Variants in ARHGAP12 observed in about 807,000 individuals in gnomAD.
ARHGAP12 encodes rho GTPase-activating protein 12.
A neutral mutation model predicts 108.6 loss-of-function variants in ARHGAP12; 64 were observed. That is an observed-to-expected ratio of 0.59 (90% CI 0.48 to 0.73). ARHGAP12 has a LOEUF of 0.73. ARHGAP12 is among the 30% of genes least tolerant of loss of function. The pLI, the probability that ARHGAP12 is intolerant of heterozygous loss-of-function variation, is 0.00. For missense variants in ARHGAP12, 940 were observed against 1,005.9 expected (o/e 0.93, Z 0.89); for synonymous variants, 312 against 337.2 (o/e 0.93, Z 0.82).
chr10:31,909,217 T>G (rs1839256593), intron 2 of ARHGAP12, among the ~76,000 whole-genome samples: 1 of 152,192 alleles, frequency 6.6e-6, no homozygotes, highest in Admixed American at 6.5e-5. Context: ...AGAACTTTCC[T>G]TCCTTTCATT....
chr10:31,825,780 T>G (rs796508565), intron 11 of ARHGAP12, among the ~76,000 whole-genome samples: 69 of 152,218 alleles, frequency 4.5e-4, no homozygotes, highest in African/African-American at 1.4e-3. Flanking sequence ...AAGAGTAGAG[T>G]AATGATAGTA....
At chr10:31,833,441 G>T (rs967736624) in intron 9 of ARHGAP12, among the ~76,000 whole-genome samples, 1 of 151,910 alleles carries the variant, frequency 6.6e-6, no homozygotes, top group African/African-American at 2.4e-5. Flanking sequence ...AGGATGAGAG[G>T]GAGAGTCTAG....
At chr10:31,821,080 T>A (rs977152524) in intron 11 of ARHGAP12, among the ~76,000 whole-genome samples, 31 of 152,140 alleles carry the variant, frequency 2.0e-4, no homozygotes, top group African/African-American at 7.5e-4. Flanking sequence ...ATTTTGTGCT[T>A]TCAGAAGTAT....
At chr10:31,927,239 T>TACTATGCCAGG (rs145613135) in intron 1 of ARHGAP12, among the ~76,000 whole-genome samples, 2 of 151,596 alleles carry the variant, frequency 1.3e-5, no homozygotes, top group African/African-American at 4.8e-5. Flanking sequence ...AAAATAAAAA[T>TACTATGCCAGG]AGCCAAAATG....
At chr10:31,862,580 C>A (rs1837155896) in intron 3 of ARHGAP12, among the ~76,000 whole-genome samples, 1 of 152,098 alleles carries the variant, frequency 6.6e-6, no homozygotes. Context: ...GATTTCTTAA[C>A]CCTAGCACCA....
intron 1 of ARHGAP12, among the ~76,000 whole-genome samples, chr10:31,911,602 A>C (rs1262651168): frequency 6.6e-6 from 1 of 152,108 alleles, no homozygotes; most frequent in Non-Finnish European, 1.5e-5. Context: ...GCGCGACCAC[A>C]CCCAGCCTAC....
chr10:31,917,961 TTTTTC>T (rs966680396), intron 1 of ARHGAP12, among the ~76,000 whole-genome samples: 6 of 152,034 alleles, frequency 3.9e-5, no homozygotes, highest in East Asian at 1.9e-4. Flanking sequence ...ACCTTTTTTT[TTTTTC>T]TTTTGAGAGA....
rs1835188636 is a variant in ARHGAP12, at chr10:31,816,042, T to C, written c.1732-1681A>G. ...GGTGGGTGCCTGTTATCCCAGCTAC[T>C]TGGGAGGCTGAGACAGGAGAATCAC... On this transcript the variant is annotated intron_variant, in intron 13 of 19. Transcript: ENST00000344936. Among the ~76,000 whole-genome samples the C allele has an allele frequency of 1.3e-5, 2 of 151,910 alleles. 1 individual carries two copies. The highest frequency in any genetic ancestry group is 4.2e-4 in the South Asian group (2 of 4,818).
intron 10 of ARHGAP12, among the ~76,000 whole-genome samples, chr10:31,829,011 G>A (rs993516523): frequency 4.6e-5 from 7 of 152,076 alleles, no homozygotes; most frequent in African/African-American, 9.7e-5. Flanking sequence ...AATTAGCCAC[G>A]CGTAGTGGCA....
intron 1 of ARHGAP12, 128 bp downstream of exon 1, chr10:31,928,555 G>GCGCCTCCCGCACA (rs1474537044): frequency 7.9e-5 from 12 of 151,602 alleles, no homozygotes; most frequent in African/African-American, 2.7e-4. Context: ...CGCCGCCGCC[G>GCGCCTCCCGCACA]CGCCTCCCGC....
intron 6 of ARHGAP12, among the ~76,000 whole-genome samples, chr10:31,844,166 T>G (rs139604925): frequency 6.6e-6 from 1 of 152,302 alleles, no homozygotes; most frequent in East Asian, 1.9e-4. Flanking sequence ...TAGCCCATCT[T>G]CTCCCCTTTG....
chr10:31,901,597 G>A (rs1401465491), intron 3 of ARHGAP12, among the ~76,000 whole-genome samples: 3 of 150,744 alleles, frequency 2.0e-5, no homozygotes, highest in Non-Finnish European at 2.9e-5. Flanking sequence ...GAAGGAAAAG[G>A]TGCTAATCTC....
chr10:31,835,662 C>T (rs922651972), intron 9 of ARHGAP12, among the ~76,000 whole-genome samples: 13 of 152,262 alleles, frequency 8.5e-5, no homozygotes, highest in African/African-American at 3.1e-4. Context: ...AAAATCAATA[C>T]ACCTGATCAA....
rs977244885 is a variant in ARHGAP12, at chr10:31,812,620, T to C, written c.1951+87A>G. ...TGAATAAAGAATAATATTCTTACTG[T>C]TTGAAAATGTTTGTTTTTAATTTGA... is the stretch of plus-strand genomic sequence containing the variant. On this transcript the variant is annotated intron_variant, in intron 15 of 19. Coordinates refer to ENST00000344936, the MANE Select transcript of ARHGAP12 (RefSeq NM_018287.7). 1.6e-5 allele frequency: 13 copies of C among 820,104 alleles called. No homozygotes were observed. The Admixed American group carries it at 3.1e-4, about 19-fold the overall frequency. The allele number at this position is 820,104 out of a possible 1,614,324, so 50.8% of individuals were successfully genotyped here. A position where few individuals can be genotyped will look rare whatever the true frequency, so the allele number is the denominator to read the frequency against.
chr10:31,909,541 T>A (rs1259409825), intron 2 of ARHGAP12, among the ~76,000 whole-genome samples: 16 of 152,214 alleles, frequency 1.1e-4, no homozygotes, highest in Admixed American at 9.8e-4. Context: ...TGTAATCAAG[T>A]TAAGACAAGG....
intron 3 of ARHGAP12, among the ~76,000 whole-genome samples, chr10:31,903,451 T>C (rs1044887495): frequency 1.4e-4 from 22 of 152,186 alleles, no homozygotes; most frequent in African/African-American, 5.3e-4. Context: ...GTTCTATTTC[T>C]CTGGAAAAGC....
Position 31,866,522 on chromosome 10 carries a change from C to T in ARHGAP12, c.685-4864G>A, listed in dbSNP as rs549542145. Among the ~76,000 whole-genome samples, 9 of 151,880 alleles carry T rather than the reference C, an allele frequency of 5.9e-5. No individual in the cohort carries two copies. In the East Asian group the frequency reaches 1.3e-3, roughly 23 times the overall value. On this transcript the variant is annotated intron_variant, in intron 3 of 19. Coordinates refer to ENST00000344936, the MANE Select transcript of ARHGAP12 (RefSeq NM_018287.7). Reference sequence around the variant, plus strand: ...GGGGAAATCCAGAGTCTAGCAATCTCGGTGAGTGAACAGGACAAACACTGG... The same window carrying T: ...GGGGAAATCCAGAGTCTAGCAATCTTGGTGAGTGAACAGGACAAACACTGG...
chr10:31,826,261 A>G, intron 11 of ARHGAP12, 43 bp downstream of exon 11: 7 of 1,502,804 alleles, frequency 4.7e-6, no homozygotes, highest in Non-Finnish European at 4.6e-6. Flanking sequence ...TACTATTCAC[A>G]TAATTTAAAT....
chr10:31,885,379 T>C lies in ARHGAP12; in HGVS notation c.684+22793A>G, dbSNP rs533874179. Among the ~76,000 whole-genome samples the C allele has an allele frequency of 1.1e-4, 17 of 152,338 alleles. No individual in the cohort carries two copies. In the East Asian group the frequency reaches 3.3e-3, roughly 29 times the overall value. On this transcript the variant is annotated intron_variant, in intron 3 of 19. Transcript: ENST00000344936. ...AGTATCTATCCAGTGCTTGACACAC[T>C]GAAGATATCCTCCTCCCTCCATCAG...
Sources: gnomAD v4.1 joint callset for allele counts (sites outside exome capture counted in the v4.1 genomes callset) on GRCh38, gnomAD v4.1.1 for gene constraint, MANE v1.5 for transcripts, NCBI Gene and HGNC (gene_info 2026-07-23, HGNC 2026-07-21) for gene names.